The following RORC variants were observed in gnomAD, a reference collection of about 807,000 sequenced individuals.
RORC encodes the protein RAR related orphan receptor C, also known as nuclear receptor ROR-gamma.
A neutral mutation model predicts 64.5 loss-of-function variants in RORC; 13 were observed. The ratio of observed to expected loss-of-function variants is 0.20; its 90% CI spans 0.13 to 0.32. RORC has a LOEUF of 0.32. Among genes scored for constraint, RORC ranks in the 10% least tolerant of loss-of-function variants. The pLI is 1.00. For missense variants in RORC, 468 were observed against 669.5 expected, an observed-to-expected ratio of 0.70 and a Z score of 3.32; for synonymous variants, 277 against 259.3, an observed-to-expected ratio of 1.07 and a Z score of -0.65.
At chr1:151,809,901 C>T (rs558928647) in intron 10 of RORC, among the ~76,000 whole-genome samples, 9 of 152,266 alleles carry the variant, frequency 5.9e-5, no homozygotes, top group African/African-American at 2.2e-4. Flanking sequence ...GCCTTTGGAG[C>T]TCCCTGTGGC....
rs1651710774 is a variant in RORC at position 151,815,207 on chromosome 1, G to A, written c.517C>T (p.Pro173Ser). The A allele has an allele frequency of 4.3e-6, 7 of 1,613,920 alleles. No individual in the cohort carries two copies. Among genetic ancestry groups the A allele is most frequent in the Non-Finnish European group, 5.9e-6 (7 of 1,179,892 alleles). Reference sequence around the variant, plus strand: ...CCTGAGGCTTTCAGGAGGCCAGGGGGACAGGCAGAAGCCTCAGGCAGGTCA... The same window carrying A: ...CCTGAGGCTTTCAGGAGGCCAGGGGAACAGGCAGAAGCCTCAGGCAGGTCA... ...SPDLPEASAC[P>S]PGLLKASGSG... Residue 173 changes from proline to serine, a missense_variant, in exon 5 of 11, where the codon CCC (proline) becomes TCC (serine). Pro to Ser is a moderately conservative substitution (Grantham distance 74). This residue lies in a region of RORC where 241 missense variants were observed against 295.5 expected (regional missense o/e 0.82). Transcript: ENST00000318247.
rs1652372779 is a variant in RORC at position 151,830,659 on chromosome 1, C to CACGCACACACACAT, written c.40+1065_40+1066insATGTGTGTGTGCGT. 7.2e-6 allele frequency among the ~76,000 whole-genome samples: 1 copy of CACGCACACACACAT among 139,054 alleles called. No individual in the cohort carries two copies. The highest frequency in any genetic ancestry group is 2.7e-5 in the African/African-American group (1 of 37,410). 91.2% of individuals were successfully genotyped at this position (139,054 alleles called of 152,430 possible). On this transcript the variant is annotated intron_variant, in intron 1 of 10. Coordinates refer to ENST00000318247, the MANE Select transcript of RORC (RefSeq NM_005060.4). The surrounding 1 kb of genome is among the most constrained non-coding windows in gnomAD (Gnocchi z 4.0). ...ACACACACACACACACACACACACA[C>CACGCACACACACAT]ACAGTGCCCTTCTGCCCGGGAGATG... is the stretch of plus-strand genomic sequence containing the variant.
intron 2 of RORC, among the ~76,000 whole-genome samples, chr1:151,826,493 A>ATC (rs1157947892): frequency 1.3e-5 from 2 of 152,104 alleles, no homozygotes; most frequent in African/African-American, 4.8e-5. Flanking sequence ...GCCACCTGAC[A>ATC]CCCTGTGGAC....
rs1651325234 is a variant in RORC at position 151,806,683 on chromosome 1, A to G, written c.*789T>C. On this transcript the variant is annotated 3_prime_UTR_variant, in exon 11 of 11. Coordinates refer to ENST00000318247, the MANE Select transcript of RORC (RefSeq NM_005060.4). ...ACTGCATGATTGCTGTTGAGTCTGT[A>G]TGTGTTTCACCTGTGTATGGATATG... is the stretch of plus-strand genomic sequence containing the variant. 6.6e-6 allele frequency: 1 copy of G among 152,152 alleles called. No individual in the cohort carries two copies. The highest frequency in any genetic ancestry group is 6.5e-5 in the Admixed American group (1 of 15,284). The allele number at this position is 152,152 out of a possible 1,614,324, so 9.4% of individuals were successfully genotyped here. A position where few individuals can be genotyped will look rare whatever the true frequency, so the allele number is the denominator to read the frequency against.
Position 151,817,267 on chromosome 1 carries a change from C to A in RORC, c.84G>T (p.Val28=), listed in dbSNP as rs1291067411. ...AKKTHTSQIE[V]IPCKICGDKS... is the part of the protein sequence containing the mutation. ...TGTCCCCACAGATTTTGCAAGGGATCACTTCAATTTGTGCTGGAAGAGAGA... is the reference window on the plus strand; with the variant it reads ...TGTCCCCACAGATTTTGCAAGGGATAACTTCAATTTGTGCTGGAAGAGAGA... The change falls in exon 3 of 11, where the codon GTG becomes GTT. Residue 28 remains valine, a synonymous_variant. Coordinates refer to ENST00000318247, the MANE Select transcript of RORC (RefSeq NM_005060.4). The A allele has an allele frequency of 6.2e-7, 1 of 1,613,938 alleles. No individual in the cohort carries two copies. The highest frequency in any genetic ancestry group is 1.7e-5 in the Admixed American group (1 of 60,028).
chr1:151,827,378 C>T (rs1652232026), intron 2 of RORC, among the ~76,000 whole-genome samples: 1 of 152,086 alleles, frequency 6.6e-6, no homozygotes, highest in Non-Finnish European at 1.5e-5. Flanking sequence ...GTTTTTTGGC[C>T]TGGGGGAGGG....
intron 2 of RORC, chr1:151,826,079 C>T: frequency 6.7e-7 from 1 of 1,488,968 alleles, no homozygotes; most frequent in South Asian, 1.3e-5. Flanking sequence ...TAGCTCTCTC[C>T]CCCAGTGCTT....
At position 151,814,699 on chromosome 1, in the gene RORC, G is replaced by C. The variant is rs957940739; in HGVS notation, c.812-4C>G. The C allele has an allele frequency of 6.2e-7, 1 of 1,603,686 alleles. No homozygotes were observed. The highest frequency in any genetic ancestry group is 1.7e-5 in the Admixed American group (1 of 59,728). On this transcript the variant is annotated splice_region_variant and splice_polypyrimidine_tract_variant and intron_variant, in intron 5 of 10. Transcript: ENST00000318247. ...CAGACGCTCTGCACCAGGTGCTCTGGGGCCGGAGAAGGAAGGCATGGCTTG... is the reference window on the plus strand; with the variant it reads ...CAGACGCTCTGCACCAGGTGCTCTGCGGCCGGAGAAGGAAGGCATGGCTTG...
intron 2 of RORC, 137 bp from the exon 3 acceptor site, chr1:151,817,417 C>T (rs1320762769): frequency 1.6e-6 from 1 of 643,902 alleles, no homozygotes; most frequent in Non-Finnish European, 2.8e-6. Context: ...TTCCCTCTTG[C>T]AAAATGGAAG....
Position 151,813,229 on chromosome 1 carries a change from T to G in RORC, c.1174+10A>C. 6.2e-7 allele frequency: 1 copy of G among 1,610,222 alleles called. No individual in the cohort carries two copies. The highest frequency in any genetic ancestry group is 1.1e-5 in the South Asian group (1 of 90,980). On this transcript the variant is annotated intron_variant, in intron 8 of 10. Transcript: ENST00000318247. ...CAGAATCTTCCCTCTCATTTCTCCC[T>G]GCCCCTCACCCAAGGCTCGGAACAG...
intron 2 of RORC, among the ~76,000 whole-genome samples, chr1:151,818,917 A>G (rs1459611728): frequency 6.6e-6 from 1 of 152,044 alleles, no homozygotes; most frequent in East Asian, 1.9e-4. Context: ...TTCTTAAACC[A>G]TCATCCCTCA....
intron 2 of RORC, 74 bp from the exon 3 acceptor site, chr1:151,817,354 G>T: frequency 9.9e-7 from 1 of 1,011,766 alleles, no homozygotes; most frequent in Non-Finnish European, 1.6e-6. Context: ...CTGGGCTGCA[G>T]ATACAGGTAC....
intron 2 of RORC, among the ~76,000 whole-genome samples, chr1:151,822,301 G>A (rs905572042): frequency 4.6e-5 from 7 of 152,178 alleles, no homozygotes; most frequent in African/African-American, 7.2e-5. Flanking sequence ...GAGCAGGAGC[G>A]GGAGGGCTGG....
At chr1:151,810,813 G>A (rs1029731268) in intron 10 of RORC, among the ~76,000 whole-genome samples, 5 of 152,200 alleles carry the variant, frequency 3.3e-5, no homozygotes, top group Admixed American at 6.5e-5. Context: ...GATTACAGGC[G>A]TGAGCCACTG....
At chr1:151,813,812 T>G in intron 6 of RORC, 192 bp from the exon 7 acceptor site, 1 of 605,082 alleles carries the variant, frequency 1.7e-6, no homozygotes, top group Non-Finnish European at 2.8e-6. Context: ...ACTGAGCACC[T>G]ACCGGCTGCT....
At chr1:151,816,529 G>A in intron 4 of RORC, 135 bp downstream of exon 4, 1 of 930,882 alleles carries the variant, frequency 1.1e-6, no homozygotes, top group East Asian at 3.0e-5. Flanking sequence ...GAGACAAGGG[G>A]TTGTAACGGG....
intron 9 of RORC, chr1:151,812,098 T>C (rs1651559427): frequency 6.6e-6 from 1 of 152,192 alleles, no homozygotes; most frequent in African/African-American, 2.4e-5. Context: ...AGTCTTCCTA[T>C]TATAGGCATA....
chr1:151,826,116 C>G, intron 2 of RORC: 8 of 1,325,510 alleles, frequency 6.0e-6, no homozygotes, highest in Non-Finnish European at 7.7e-6. Flanking sequence ...AAGCTCTGCA[C>G]CACACAGGTG....
intron 1 of RORC, chr1:151,831,216 GT>G: frequency 1.1e-6 from 1 of 905,976 alleles, no homozygotes; most frequent in Non-Finnish European, 1.5e-6. Context: ...ACAGGGTGTG[GT>G]TCCCCCTGCC....
Sources: gnomAD v4.1 joint callset for allele counts (sites outside exome capture counted in the v4.1 genomes callset) on GRCh38, gnomAD v4.1.1 for gene constraint, gnomAD v4.1.1 regional missense constraint, Gnocchi (gnomAD v3.1) non-coding constraint, MANE v1.5 for transcripts, NCBI Gene and HGNC (gene_info 2026-07-23, HGNC 2026-07-21) for gene names.